Variants in CCDC88C observed in about 807,000 individuals in gnomAD.
CCDC88C encodes protein Daple.
A neutral mutation model predicts 198.8 loss-of-function variants in CCDC88C; 131 were observed. That is an observed-to-expected ratio of 0.66 (90% CI 0.57 to 0.76). The LOEUF is 0.76. Among genes scored for constraint, CCDC88C ranks in the 30% least tolerant of loss-of-function variants. The pLI, the probability that CCDC88C is intolerant of heterozygous loss-of-function variation, is 0.00. For synonymous variants in CCDC88C, 1,166 were observed against 1,114.7 expected, an observed-to-expected ratio of 1.05 and a Z score of -0.92; for missense variants, 2,553 against 2,631.6, an observed-to-expected ratio of 0.97 and a Z score of 0.65.
In CCDC88C at chr14:91,313,536, G is replaced by T; in HGVS notation, c.2280C>A (p.Ser760Arg). The change falls in exon 15 of 30, where the codon AGC becomes AGA. Residue 760 changes from serine to arginine, a missense_variant. Transcript: ENST00000389857. The surrounding 1 kb of genome is among the most constrained non-coding windows in gnomAD (Gnocchi z 5.2). ...GGTTCTCAGCGCTCACGCTCTGGTAGCTGAGCTCCAGGCGCTCTGACTTCT... is the reference window on the plus strand; with the variant it reads ...GGTTCTCAGCGCTCACGCTCTGGTATCTGAGCTCCAGGCGCTCTGACTTCT... ...LGKKSERLEL[S>R]YQSVSAENLR... The T allele has an allele frequency of 6.2e-7, 1 of 1,610,132 alleles. No individual in the cohort carries two copies. The highest frequency in any genetic ancestry group is 8.5e-7 in the Non-Finnish European group (1 of 1,179,864).
intron 4 of CCDC88C, among the ~76,000 whole-genome samples, chr14:91,351,879 C>T (rs889114672): frequency 1.3e-5 from 2 of 152,100 alleles, no homozygotes; most frequent in African/African-American, 4.8e-5. Flanking sequence ...AAATATCAGC[C>T]CCTCGGAGCA....
At chr14:91,332,063 G>A (rs1237389016) in intron 10 of CCDC88C, among the ~76,000 whole-genome samples, 2 of 152,054 alleles carry the variant, frequency 1.3e-5, no homozygotes, top group African/African-American at 2.4e-5. Context: ...TCTGCCCCTC[G>A]GGCTATTTGG....
chr14:91,342,239 T>C (rs977485948), intron 6 of CCDC88C, 141 bp downstream of exon 6: 2 of 581,608 alleles, frequency 3.4e-6, no homozygotes, highest in Non-Finnish European at 6.3e-6. Flanking sequence ...AATGTGTCTG[T>C]GGTGTCTGAA....
At chr14:91,319,897 T>C (rs939359415) in intron 13 of CCDC88C, among the ~76,000 whole-genome samples, 1 of 151,724 alleles carries the variant, frequency 6.6e-6, no homozygotes, top group Non-Finnish European at 1.5e-5. Flanking sequence ...TGGTGGTGGG[T>C]GCCTGTAATC....
chr14:91,335,068 A>G (rs1892992063), intron 10 of CCDC88C, among the ~76,000 whole-genome samples: 2 of 152,086 alleles, frequency 1.3e-5, no homozygotes, highest in African/African-American at 4.8e-5. Context: ...CTCCAGATTC[A>G]CTCAGCAAGC....
chr14:91,287,877 C>T (rs1890482821), intron 25 of CCDC88C, among the ~76,000 whole-genome samples: 1 of 152,112 alleles, frequency 6.6e-6, no homozygotes. Flanking sequence ...GATAAATAAT[C>T]TCCCCAAAAT....
In CCDC88C at chr14:91,307,329, C is replaced by G. The variant is rs371439749; in HGVS notation, c.3007-103G>C. ...AACCTGCACCACACCCTCCACACTC[C>G]CCATACTCGCCCGCCCTGGTCTGTG... is the stretch of plus-strand genomic sequence containing the variant. On this transcript the variant is annotated intron_variant, in intron 17 of 29. Coordinates refer to ENST00000389857, the MANE Select transcript of CCDC88C (RefSeq NM_001080414.4). The G allele has an allele frequency of 4.6e-4, 434 of 950,936 alleles. No individual in the cohort carries two copies. In the African/African-American group the frequency reaches 6.1e-3, roughly 13 times the overall value. The allele number at this position is 950,936 out of a possible 1,614,324, so 58.9% of individuals were successfully genotyped here. A position where few individuals can be genotyped will look rare whatever the true frequency, so the allele number is the denominator to read the frequency against.
chr14:91,299,999 G>T lies in CCDC88C; in HGVS notation c.3707C>A (p.Ala1236Glu). 6.3e-7 allele frequency: 1 copy of T among 1,598,730 alleles called. No homozygotes were observed. The change falls in exon 21 of 30, where the codon GCG (alanine) becomes GAG (glutamate). Residue 1236 changes from alanine to glutamate, a missense_variant. This residue lies in a region of CCDC88C where 1,293 missense variants were observed against 1,219.6 expected (regional missense o/e 1.06). Transcript: ENST00000389857. ...GTTTGTCCTCTGCTCCTGCTGCAGC[G>T]CCTCTCGCTCAGTGGTCAAGACCTT... ...REKVLTTERE[A>E]LQQEQRTNAL... is the part of the protein sequence containing the mutation.
At chr14:91,351,492 A>G (rs961338512) in intron 4 of CCDC88C, among the ~76,000 whole-genome samples, 1 of 152,138 alleles carries the variant, frequency 6.6e-6, no homozygotes. Flanking sequence ...CTCAAGGTGG[A>G]GAGTTCCCCG....
chr14:91,293,414 ACCTGCCACGGCCCACCTTCCCG>A lies in CCDC88C; in HGVS notation c.4112+737_4112+758del, dbSNP rs1567055225. ...CCACAGCCCACCTTCCTGCCCCCTCACCTGCCACGGCCCACCTTCCCGTCCTCACCTGCCACGGTCCACCTTC... is the reference window on the plus strand; with the variant it reads ...CCACAGCCCACCTTCCTGCCCCCTCATCCTCACCTGCCACGGTCCACCTTC... On this transcript the variant is annotated intron_variant, in intron 23 of 29. Transcript: ENST00000389857. 1.0e-3 allele frequency among the ~76,000 whole-genome samples: 13 copies of A among 12,722 alleles called. 1 individual carries two copies. The South Asian group carries it at 0.013, about 12-fold the overall frequency. 8.3% of individuals were successfully genotyped at this position (12,722 alleles called of 152,430 possible). A position where few individuals can be genotyped will look rare whatever the true frequency, so the allele number is the denominator to read the frequency against.
intron 3 of CCDC88C, among the ~76,000 whole-genome samples, chr14:91,377,328 A>G (rs1431433257): frequency 1.3e-5 from 2 of 152,170 alleles, no homozygotes; most frequent in Non-Finnish European, 2.9e-5. Context: ...TGAAGATGAC[A>G]GTTCACGCGC....
In CCDC88C at chr14:91,276,138, C is replaced by T. The variant is rs930126973; in HGVS notation, c.5058+1784G>A. On this transcript the variant is annotated intron_variant, in intron 29 of 29. Coordinates refer to ENST00000389857, the MANE Select transcript of CCDC88C (RefSeq NM_001080414.4). ...CCCGGCCAGACCAGTGGTTCTTAAA[C>T]CATGGTGCCTACCCAGCCGCAAGAC... Among the ~76,000 whole-genome samples the T allele has an allele frequency of 6.6e-5, 10 of 152,308 alleles. No individual in the cohort carries two copies. The South Asian group carries it at 2.1e-3, about 32-fold the overall frequency.
rs1037772378 is a variant in CCDC88C at position 91,338,450 on chromosome 14, G to C, written c.891+39C>G. 1 of 1,524,836 alleles carries C rather than the reference G, an allele frequency of 6.6e-7. No homozygotes were observed. Among genetic ancestry groups the C allele is most frequent in the South Asian group, 1.2e-5 (1 of 83,510 alleles). 94.5% of individuals were successfully genotyped at this position (1,524,836 alleles called of 1,614,324 possible). ...CCCCGTTACTGGACACTCCAGCCCTGCTACCCCCAGGACACACAGGCTCAG... is the reference window on the plus strand; with the variant it reads ...CCCCGTTACTGGACACTCCAGCCCTCCTACCCCCAGGACACACAGGCTCAG... On this transcript the variant is annotated intron_variant, in intron 9 of 29. Transcript: ENST00000389857. This position sits in a 1 kb window ranked among gnomAD's most constrained non-coding sequence, Gnocchi z 4.8.
chr14:91,354,321 A>G (rs1430812980), intron 4 of CCDC88C, among the ~76,000 whole-genome samples: 1 of 152,218 alleles, frequency 6.6e-6, no homozygotes, highest in East Asian at 1.9e-4. Flanking sequence ...TGGCACAGTG[A>G]CAGGCCTGGC....
intron 3 of CCDC88C, among the ~76,000 whole-genome samples, chr14:91,386,250 C>T (rs1306579274): frequency 6.7e-6 from 1 of 149,576 alleles, no homozygotes; most frequent in African/African-American, 2.5e-5. Flanking sequence ...TCGAGACCAG[C>T]CTGGCCAACA....
chr14:91,273,351 C>A lies in CCDC88C; in HGVS notation c.5361G>T (p.Val1787=). Residue 1787 remains valine (V), a synonymous_variant, in exon 30 of 30, where the codon GTG becomes GTT. Coordinates refer to ENST00000389857, the MANE Select transcript of CCDC88C (RefSeq NM_001080414.4). The surrounding 1 kb of genome is among the most constrained non-coding windows in gnomAD (Gnocchi z 5.6). ...TGGCAGGTGCATGGGAAGCTGGGGG[C>A]ACCGGAGCCTGCCGGGGTCTGCCCA... ...LSLGRPRQAP[V]PPASHAPASR... The A allele has an allele frequency of 6.5e-7, 1 of 1,538,052 alleles. No homozygotes were observed.
rs575009250 is a variant in CCDC88C, at chr14:91,373,142, C to T, written c.271-13431G>A. Among the ~76,000 whole-genome samples, 3 of 152,280 alleles carry T rather than the reference C, an allele frequency of 2.0e-5. No homozygotes were observed. In the East Asian group the frequency reaches 5.8e-4, roughly 29 times the overall value. On this transcript the variant is annotated intron_variant, in intron 3 of 29. Transcript: ENST00000389857. ...CCAGGAATGCACAAACCGTCCCCAG[C>T]CCCTGGGCTCAGGACCAAGGAGGAA...
chr14:91,299,918 G>C lies in CCDC88C; in HGVS notation c.3779+9C>G. The C allele has an allele frequency of 1.3e-6, 2 of 1,577,658 alleles. No homozygotes were observed. The highest frequency in any genetic ancestry group is 1.7e-6 in the Non-Finnish European group (2 of 1,167,226). ...GCTGCTATGTGCAGGGCCGGGCGCC[G>C]GCGCTCACCTGTCCAGCTCGCCCCG... On this transcript the variant is annotated intron_variant, in intron 21 of 29. Transcript: ENST00000389857.
In CCDC88C at chr14:91,275,969, G is replaced by A. The variant is rs532903017; in HGVS notation, c.5058+1953C>T. On this transcript the variant is annotated intron_variant, in intron 29 of 29. Coordinates refer to ENST00000389857, the MANE Select transcript of CCDC88C (RefSeq NM_001080414.4). ...CCCGTGTAGCTGGGACTACAGGCGC[G>A]CGCCACCACGCCCGGCTAATTTTTG... Among the ~76,000 whole-genome samples, 20 of 151,562 alleles carry A rather than the reference G, an allele frequency of 1.3e-4. No homozygotes were observed. The East Asian group carries it at 1.6e-3, about 12-fold the overall frequency.
Sources: gnomAD v4.1 joint callset for allele counts (sites outside exome capture counted in the v4.1 genomes callset) on GRCh38, gnomAD v4.1.1 for gene constraint, gnomAD v4.1.1 regional missense constraint, Gnocchi (gnomAD v3.1) non-coding constraint, MANE v1.5 for transcripts, NCBI Gene and HGNC (gene_info 2026-07-23, HGNC 2026-07-21) for gene names.